Variants in INPP4B observed in about 807,000 individuals in gnomAD.
INPP4B encodes inositol polyphosphate 4-phosphatase type II.
A neutral mutation model predicts 122.5 loss-of-function variants in INPP4B; 55 were observed. The observed-to-expected ratio is 0.45, with a 90% CI of 0.36 to 0.56. INPP4B has a LOEUF of 0.56. INPP4B is among the 20% of genes least tolerant of loss of function. The pLI is 0.00. For synonymous variants in INPP4B, 403 were observed against 388.7 expected (o/e 1.04, Z -0.43); for missense variants, 1,000 against 1,097.7 (o/e 0.91, Z 1.26).
chr4:142,810,911 G>A (rs1276768716), intron 1 of INPP4B, among the ~76,000 whole-genome samples: 2 of 152,112 alleles, frequency 1.3e-5, no homozygotes, highest in Admixed American at 6.6e-5. Flanking sequence ...AAATACATTG[G>A]TTTAGAAGTA....
chr4:142,189,364 C>T (rs1413196356), intron 15 of INPP4B, among the ~76,000 whole-genome samples: 1 of 152,142 alleles, frequency 6.6e-6, no homozygotes, highest in Non-Finnish European at 1.5e-5. Context: ...TATGTGAATT[C>T]CAATGCCTGT....
intron 10 of INPP4B, among the ~76,000 whole-genome samples, chr4:142,265,957 G>T (rs1305248836): frequency 2.0e-5 from 3 of 152,138 alleles, no homozygotes; most frequent in Non-Finnish European, 2.9e-5. Context: ...GGAGTCAAAA[G>T]GTGGGCTAGT....
chr4:142,475,909 C>A (rs1484081846), intron 2 of INPP4B, among the ~76,000 whole-genome samples: 1 of 152,148 alleles, frequency 6.6e-6, no homozygotes, highest in African/African-American at 2.4e-5. Flanking sequence ...AAGTAAGCAA[C>A]TTGCAAAACA....
chr4:142,277,627 C>A (rs1749166744), intron 9 of INPP4B, among the ~76,000 whole-genome samples: 1 of 151,336 alleles, frequency 6.6e-6, no homozygotes, highest in South Asian at 2.1e-4. Flanking sequence ...TGGAGCCAGC[C>A]CAAATGCCCA....
chr4:142,821,603 G>A (rs980807768), intron 1 of INPP4B, among the ~76,000 whole-genome samples: 19 of 151,762 alleles, frequency 1.3e-4, no homozygotes, highest in African/African-American at 4.4e-4. Flanking sequence ...TTTATTTTGT[G>A]AATTTCCAGT....
At chr4:142,168,775 C>T (rs1029458567) in intron 16 of INPP4B, among the ~76,000 whole-genome samples, 5 of 151,568 alleles carry the variant, frequency 3.3e-5, no homozygotes, top group African/African-American at 1.2e-4. Context: ...CACTCATTTA[C>T]AGATCTCCAG....
chr4:142,173,427 A>G (rs997080316), intron 16 of INPP4B, among the ~76,000 whole-genome samples: 1 of 132,222 alleles, frequency 7.6e-6, no homozygotes, highest in Non-Finnish European at 1.5e-5. Flanking sequence ...CCTACTAAGA[A>G]AAAAAAAAAA....
intron 2 of INPP4B, among the ~76,000 whole-genome samples, chr4:142,546,914 AT>A (rs1231004798): frequency 2.6e-5 from 4 of 152,176 alleles, no homozygotes; most frequent in Non-Finnish European, 4.4e-5. Context: ...TATAGAAAGT[AT>A]CTATAACTTT....
chr4:142,037,709 C>A (rs1313924509), intron 25 of INPP4B, among the ~76,000 whole-genome samples: 1 of 152,140 alleles, frequency 6.6e-6, no homozygotes, highest in Non-Finnish European at 1.5e-5. Context: ...TTTGACTCAA[C>A]ATTCATCTGA....
rs1439089399 is a variant in INPP4B, at chr4:142,025,533, T to C, written c.*3249A>G. On this transcript the variant is annotated 3_prime_UTR_variant, in exon 26 of 26. Transcript: ENST00000262992. ...AGCTAGTTCCAGCCCACCAGTGGTA[T>C]TGTGTCTCTTGGTACACTATCAACT... 1.3e-5 allele frequency: 2 copies of C among 152,222 alleles called. No individual in the cohort carries two copies. The highest frequency in any genetic ancestry group is 2.4e-5 in the African/African-American group (1 of 41,458). The allele number at this position is 152,222 out of a possible 1,614,324, so 9.4% of individuals were successfully genotyped here. A position where few individuals can be genotyped will look rare whatever the true frequency, so the allele number is the denominator to read the frequency against.
At chr4:142,344,000 C>T (rs559492822) in intron 7 of INPP4B, among the ~76,000 whole-genome samples, 7 of 152,148 alleles carry the variant, frequency 4.6e-5, no homozygotes, top group African/African-American at 1.7e-4. Context: ...ATAAGCTAAA[C>T]TATAATAACA....
At chr4:142,386,777 T>C (rs1385724659) in intron 7 of INPP4B, among the ~76,000 whole-genome samples, 1 of 152,184 alleles carries the variant, frequency 6.6e-6, no homozygotes. Context: ...TCGTAAATCA[T>C]TCCTTGCTCA....
intron 25 of INPP4B, among the ~76,000 whole-genome samples, chr4:142,048,519 AAG>A (rs372497021): frequency 6.8e-4 from 104 of 152,148 alleles, no homozygotes; most frequent in African/African-American, 2.4e-3. Flanking sequence ...AACATTAAAA[AAG>A]AGAGAAAAAG....
At chr4:142,178,487 T>G (rs889883980) in intron 15 of INPP4B, among the ~76,000 whole-genome samples, 1 of 152,188 alleles carries the variant, frequency 6.6e-6, no homozygotes, top group Non-Finnish European at 1.5e-5. Context: ...CTTAACTCCT[T>G]GACCACAAGT....
chr4:142,508,564 G>A (rs1824315851), intron 2 of INPP4B, among the ~76,000 whole-genome samples: 2 of 152,156 alleles, frequency 1.3e-5, no homozygotes, highest in Non-Finnish European at 2.9e-5. Flanking sequence ...ATGAACCACT[G>A]CGCCCGGCTT....
At chr4:142,246,013 C>CACACATATAT (rs1728318533) in intron 11 of INPP4B, among the ~76,000 whole-genome samples, 2 of 139,332 alleles carry the variant, frequency 1.4e-5, no homozygotes, top group African/African-American at 2.8e-5. Flanking sequence ...TGTATACACA[C>CACACATATAT]ATGTGTGTAT....
At chr4:142,346,951 A>T (rs951609146) in intron 7 of INPP4B, among the ~76,000 whole-genome samples, 1 of 152,058 alleles carries the variant, frequency 6.6e-6, no homozygotes, top group Non-Finnish European at 1.5e-5. Flanking sequence ...ATAGGTGAAG[A>T]TGCCAGGCAT....
intron 2 of INPP4B, among the ~76,000 whole-genome samples, chr4:142,496,737 T>C (rs1001661037): frequency 2.0e-5 from 3 of 152,210 alleles, no homozygotes; most frequent in African/African-American, 7.2e-5. Flanking sequence ...ATAGGAAACA[T>C]AATGTGAAAT....
chr4:142,287,994 C>G (rs1457942669), intron 9 of INPP4B, among the ~76,000 whole-genome samples: 1 of 152,152 alleles, frequency 6.6e-6, no homozygotes, highest in African/African-American at 2.4e-5. Context: ...AGAGTAAGCT[C>G]TCAGGTATCC....
Sources: gnomAD v4.1 joint callset for allele counts (sites outside exome capture counted in the v4.1 genomes callset) on GRCh38, gnomAD v4.1.1 for gene constraint, MANE v1.5 for transcripts, NCBI Gene and HGNC (gene_info 2026-07-23, HGNC 2026-07-21) for gene names.